The following FMN1 variants were observed in gnomAD, a reference collection of about 807,000 sequenced individuals.
FMN1 encodes the protein formin 1, also known as formin-1.
A neutral mutation model predicts 132.4 loss-of-function variants in FMN1; 110 were observed. That is an observed-to-expected ratio of 0.83 (90% CI 0.71 to 0.97). The LOEUF is 0.97. FMN1 is among the 50% of genes least tolerant of loss of function. The pLI, the probability that FMN1 is intolerant of heterozygous loss-of-function variation, is 0.00. For missense variants in FMN1, 1,792 were observed against 1,705.3 expected, an observed-to-expected ratio of 1.05 and a Z score of -0.90; for synonymous variants, 722 against 651.7, an observed-to-expected ratio of 1.11 and a Z score of -1.64.
In FMN1 at chr15:33,044,522, C is replaced by T. The variant is rs78669130; in HGVS notation, c.2161+20435G>A. 6.9e-3 allele frequency among the ~76,000 whole-genome samples: 1,052 copies of T among 152,296 alleles called. 18 individuals are homozygous for T. The highest frequency in any genetic ancestry group is 0.024 in the African/African-American group (1,009 of 41,560). On this transcript the variant is annotated intron_variant, in intron 6 of 20. Coordinates refer to ENST00000616417, the MANE Select transcript of FMN1 (RefSeq NM_001277313.2). ...ACAACCATCTGTGGAGAGAAACTAC[C>T]CACCAAAGGGTCTCCTCTCTGTGAG...
At chr15:33,115,258 T>C (rs545267785) in intron 4 of FMN1, among the ~76,000 whole-genome samples, 20 of 152,082 alleles carry the variant, frequency 1.3e-4, no homozygotes, top group Middle Eastern at 6.8e-3. Context: ...ATAAGGAGGG[T>C]GGGAGGCTAG....
At chr15:32,800,895 G>A (rs980519885) in intron 18 of FMN1, among the ~76,000 whole-genome samples, 2 of 152,160 alleles carry the variant, frequency 1.3e-5, no homozygotes, top group African/African-American at 4.8e-5. Context: ...ACCCCAGGGA[G>A]GGCATGTGAT....
chr15:33,189,593 C>T (rs1054414799), intron 2 of FMN1, among the ~76,000 whole-genome samples: 1 of 152,248 alleles, frequency 6.6e-6, no homozygotes, highest in Middle Eastern at 3.4e-3. Flanking sequence ...CTTAGGCTTA[C>T]TAGAGCACAG....
At chr15:33,079,421 A>C (rs557695915) in intron 5 of FMN1, among the ~76,000 whole-genome samples, 1 of 152,346 alleles carries the variant, frequency 6.6e-6, no homozygotes, top group South Asian at 2.1e-4. Flanking sequence ...TCAGGAGTTC[A>C]ACACCAACCT....
intron 10 of FMN1, among the ~76,000 whole-genome samples, chr15:32,918,831 C>T (rs1278279352): frequency 1.3e-5 from 2 of 152,122 alleles, no homozygotes; most frequent in South Asian, 4.1e-4. Context: ...CAAAGAAATG[C>T]CACCCTCTGC....
chr15:33,007,840 A>G lies in FMN1; in HGVS notation c.2223+174T>C, dbSNP rs192074568. 2.9e-3 allele frequency among the ~76,000 whole-genome samples: 438 copies of G among 152,350 alleles called. 7 individuals carry two copies. Among genetic ancestry groups the G allele is most frequent in the Non-Finnish European group, 2.5e-3 (170 of 68,024 alleles). ...TAAAATTAGAAATTGAATTCTATTA[A>G]AAACAGAATCCAAGACTTTTCATTC... is the stretch of plus-strand genomic sequence containing the variant. On this transcript the variant is annotated intron_variant, in intron 7 of 20. Coordinates refer to ENST00000616417, the MANE Select transcript of FMN1 (RefSeq NM_001277313.2).
chr15:32,812,301 A>C (rs1457771479), intron 17 of FMN1, among the ~76,000 whole-genome samples: 2 of 152,178 alleles, frequency 1.3e-5, no homozygotes, highest in African/African-American at 2.4e-5. Context: ...TCAAACTTAC[A>C]AGTGACTTAT....
intron 7 of FMN1, among the ~76,000 whole-genome samples, chr15:32,978,423 T>C (rs1437670291): frequency 6.6e-6 from 1 of 152,204 alleles, no homozygotes; most frequent in Non-Finnish European, 1.5e-5. Flanking sequence ...AGTCACAAAA[T>C]GGATATATAT....
chr15:32,918,103 T>C (rs966891551), intron 10 of FMN1, among the ~76,000 whole-genome samples: 13 of 151,776 alleles, frequency 8.6e-5, no homozygotes, highest in African/African-American at 2.9e-4. Context: ...AGACAGAATT[T>C]CTTTAAAAAA....
intron 7 of FMN1, among the ~76,000 whole-genome samples, chr15:33,004,859 T>TA (rs2034324974): frequency 6.6e-6 from 1 of 152,084 alleles, no homozygotes; most frequent in African/African-American, 2.4e-5. Context: ...TATGCAGCCA[T>TA]AAAAAATGAT....
intron 17 of FMN1, among the ~76,000 whole-genome samples, chr15:32,819,679 G>GA (rs1486094624): frequency 6.6e-6 from 1 of 151,532 alleles, no homozygotes; most frequent in African/African-American, 2.4e-5. Flanking sequence ...TGACTGATAG[G>GA]AAAAAAATTC....
At chr15:33,012,658 T>C in intron 6 of FMN1, 4 of 880,400 alleles carry the variant, frequency 4.5e-6, no homozygotes, top group Non-Finnish European at 7.6e-6. Context: ...GAAAGCCCTG[T>C]CAAAGCAAGA....
intron 16 of FMN1, among the ~76,000 whole-genome samples, chr15:32,859,679 A>T (rs1396026002): frequency 1.3e-5 from 2 of 152,222 alleles, no homozygotes; most frequent in African/African-American, 4.8e-5. Context: ...GTCATCATGC[A>T]GGATTCATTT....
intron 9 of FMN1, among the ~76,000 whole-genome samples, chr15:32,930,308 C>A (rs1339464297): frequency 2.0e-5 from 3 of 152,020 alleles, no homozygotes; most frequent in Admixed American, 2.0e-4. Flanking sequence ...TTTTAAAGAA[C>A]TTCATACTGT....
At chr15:32,798,214 A>AC (rs1391114692) in intron 19 of FMN1, among the ~76,000 whole-genome samples, 13 of 144,726 alleles carry the variant, frequency 9.0e-5, no homozygotes, top group African/African-American at 3.5e-4. Context: ...ACACACACAC[A>AC]CACCCCGTCT....
chr15:32,829,031 G>C (rs1253493132), intron 17 of FMN1, among the ~76,000 whole-genome samples: 1 of 152,224 alleles, frequency 6.6e-6, no homozygotes, highest in South Asian at 2.1e-4. Context: ...TGGATGGCAA[G>C]AATGTCAGTA....
chr15:33,078,200 C>T (rs1281209140), intron 5 of FMN1, among the ~76,000 whole-genome samples: 2 of 152,170 alleles, frequency 1.3e-5, no homozygotes, highest in East Asian at 3.8e-4. Flanking sequence ...AAAAATAATA[C>T]TTAACTCATA....
intron 6 of FMN1, among the ~76,000 whole-genome samples, chr15:33,020,953 T>C (rs946775984): frequency 6.6e-6 from 1 of 152,264 alleles, no homozygotes; most frequent in Non-Finnish European, 1.5e-5. Context: ...TCTTTCTTTT[T>C]GGGCAATGGA....
At chr15:32,960,681 T>A (rs569137969) in intron 9 of FMN1, among the ~76,000 whole-genome samples, 2 of 152,220 alleles carry the variant, frequency 1.3e-5, no homozygotes, top group South Asian at 4.2e-4. Context: ...GAACTGATGA[T>A]GAACCCCATG....
Sources: gnomAD v4.1 joint callset for allele counts (sites outside exome capture counted in the v4.1 genomes callset) on GRCh38, gnomAD v4.1.1 for gene constraint, MANE v1.5 for transcripts, NCBI Gene and HGNC (gene_info 2026-07-23, HGNC 2026-07-21) for gene names.